The following POM121 variants were observed in gnomAD, a reference collection of about 807,000 sequenced individuals.
POM121 encodes the protein POM121 transmembrane nucleoporin, also known as nuclear envelope pore membrane protein POM 121.
Under a neutral mutation model 81.3 loss-of-function variants are expected in POM121, and 32 were observed. The observed-to-expected ratio is 0.39, with a 90% CI of 0.30 to 0.53. The LOEUF (loss-of-function observed/expected upper bound fraction) is 0.53, where lower values mean the gene tolerates loss of function less well. POM121 is among the 20% of genes least tolerant of loss of function. POM121 has a pLI of 0.66. For synonymous variants in POM121, 514 were observed against 694.2 expected, an observed-to-expected ratio of 0.74 and a Z score of 4.08; for missense variants, 1,138 against 1,614.6, an observed-to-expected ratio of 0.70 and a Z score of 5.06.
chr7:72,885,937 AC>A (rs1563130376), intron 1 of POM121, among the ~76,000 whole-genome samples: 2 of 151,946 alleles, frequency 1.3e-5, no homozygotes, highest in East Asian at 3.9e-4. Context: ...TTTAGCTATC[AC>A]ACTGTTTTGT....
chr7:72,895,239 T>A (rs1370309063), intron 3 of POM121, among the ~76,000 whole-genome samples: 1 of 152,224 alleles, frequency 6.6e-6, no homozygotes, highest in Non-Finnish European at 1.5e-5. Flanking sequence ...ATGTGAGGAC[T>A]GCATTTCATC....
chr7:72,897,887 T>C (rs1475996704), intron 3 of POM121, among the ~76,000 whole-genome samples: 1 of 152,090 alleles, frequency 6.6e-6, no homozygotes, highest in Non-Finnish European at 1.5e-5. Flanking sequence ...GGTTTGGTGG[T>C]GCGTGCCTGT....
intron 1 of POM121, among the ~76,000 whole-genome samples, chr7:72,882,944 T>A (rs1554489520): frequency 6.6e-6 from 1 of 152,214 alleles, no homozygotes; most frequent in Non-Finnish European, 1.5e-5. Flanking sequence ...TCCAAACTGA[T>A]ATTTTCTCCA....
chr7:72,900,849 T>C (rs1404211471), intron 3 of POM121, among the ~76,000 whole-genome samples: 1 of 152,046 alleles, frequency 6.6e-6, no homozygotes, highest in East Asian at 1.9e-4. Context: ...TGTTTTGTGG[T>C]TATTTTGCTC....
chr7:72,924,283 A>C (rs782812474), upstream of POM121: 6 of 152,048 alleles, frequency 3.9e-5, no homozygotes, highest in Non-Finnish European at 8.8e-5. Flanking sequence ...TTCCTAACTA[A>C]ACAGTTTCTA....
chr7:72,933,179 C>T (rs1249397943), intron 5 of POM121, among the ~76,000 whole-genome samples: 25 of 152,022 alleles, frequency 1.6e-4, no homozygotes, highest in Non-Finnish European at 2.5e-4. Context: ...TGGCAAAAAC[C>T]GGTTGCTACT....
At chr7:72,896,399 T>C (rs1225782683) in intron 3 of POM121, among the ~76,000 whole-genome samples, 118 of 148,754 alleles carry the variant, frequency 7.9e-4, no homozygotes, top group African/African-American at 2.7e-3. Context: ...GGTGGGAGGA[T>C]TGCTTGAGCC....
intron 3 of POM121, among the ~76,000 whole-genome samples, chr7:72,893,452 C>T (rs1162751386): frequency 7.9e-5 from 12 of 152,076 alleles, no homozygotes; most frequent in Admixed American, 1.3e-4. Flanking sequence ...GGCGTGGTGG[C>T]GGGCGCCTGC....
At chr7:72,899,948 G>A (rs1489069966) in intron 3 of POM121, among the ~76,000 whole-genome samples, 3 of 152,154 alleles carry the variant, frequency 2.0e-5, no homozygotes, top group African/African-American at 7.2e-5. Flanking sequence ...TCATATGAGT[G>A]AAGGTGGTAA....
intron 3 of POM121, among the ~76,000 whole-genome samples, chr7:72,911,508 G>A (rs1392358147): frequency 2.0e-5 from 3 of 152,138 alleles, no homozygotes; most frequent in Non-Finnish European, 4.4e-5. Flanking sequence ...GTCCCATCTC[G>A]CAACAGGCAG....
intron 8 of POM121, among the ~76,000 whole-genome samples, chr7:72,940,191 A>G (rs575731805): frequency 3.3e-5 from 5 of 149,810 alleles, no homozygotes; most frequent in African/African-American, 1.0e-4. Flanking sequence ...CAGCCTCCCA[A>G]GTAGCTGGGA....
In POM121 at chr7:72,946,390, T is replaced by C. The variant is rs1586197814; in HGVS notation, c.*156T>C. 7.0e-7 allele frequency: 1 copy of C among 1,433,684 alleles called. No individual in the cohort carries two copies. The highest frequency in any genetic ancestry group is 9.2e-7 in the Non-Finnish European group (1 of 1,089,826). The allele number at this position is 1,433,684 out of a possible 1,614,324, so 88.8% of individuals were successfully genotyped here. A position where few individuals can be genotyped will look rare whatever the true frequency, so the allele number is the denominator to read the frequency against. On this transcript the variant is annotated 3_prime_UTR_variant, in exon 13 of 13. Coordinates refer to ENST00000434423, the MANE Select transcript of POM121 (RefSeq NM_001387691.1). The stretch of plus-strand genomic sequence containing the variant: ...GGGGCAGTGGCAGCCCTGGGGCCCT[T>C]TCCCTTCTGGAGGAAGCACAAGCCT...
rs1554496821 is a variant in POM121 at position 72,925,163 on chromosome 7, G to A, written c.42G>A (p.Arg14=). 7.4e-6 allele frequency: 11 copies of A among 1,485,464 alleles called. No individual in the cohort carries two copies. The highest frequency in any genetic ancestry group is 2.3e-5 in the Admixed American group (1 of 43,142). 92.0% of individuals were successfully genotyped at this position (1,485,464 alleles called of 1,614,324 possible). Residue 14 remains arginine, a synonymous_variant, in exon 1 of 13, where the codon CGG becomes CGA. Transcript: ENST00000434423. ...AAAAAGAGER[R]RPIASVRDGR... is the part of the protein sequence containing the mutation. The stretch of plus-strand genomic sequence containing the variant: ...CGGCGGCTGGAGCAGGCGAGCGGCG[G>A]CGGCCCATAGCGAGTGTCAGGGACG...
chr7:72,948,700 G>T (rs565190983), downstream of POM121: 4 of 1,588,704 alleles, frequency 2.5e-6, no homozygotes, highest in Non-Finnish European at 3.5e-6. Flanking sequence ...TTACAGCAAC[G>T]AAGAAGCCAC....
At position 72,939,193 on chromosome 7, in the gene POM121, C is replaced by T. The variant is rs1273811217; in HGVS notation, c.1368-143C>T. The T allele has an allele frequency of 1.0e-5, 13 of 1,254,018 alleles. No homozygotes were observed. The East Asian group carries it at 2.8e-4, about 27-fold the overall frequency. 77.7% of individuals were successfully genotyped at this position (1,254,018 alleles called of 1,614,324 possible). A position where few individuals can be genotyped will look rare whatever the true frequency, so the allele number is the denominator to read the frequency against. Reference sequence around the variant, plus strand: ...TCATTCTGTTGGAATTTCCTGTTGACTTTTTTTATCCTGGCATACTGAGAT... The same window carrying T: ...TCATTCTGTTGGAATTTCCTGTTGATTTTTTTTATCCTGGCATACTGAGAT... On this transcript the variant is annotated intron_variant, in intron 6 of 12. Coordinates refer to ENST00000434423, the MANE Select transcript of POM121 (RefSeq NM_001387691.1).
chr7:72,890,008 G>A (rs1199078061), intron 1 of POM121, among the ~76,000 whole-genome samples: 1 of 152,126 alleles, frequency 6.6e-6, no homozygotes, highest in East Asian at 1.9e-4. Context: ...AAATCATTCT[G>A]CACCTTGTCT....
At chr7:72,949,318 C>T, downstream of POM121, 1 of 813,362 alleles carries the variant, frequency 1.2e-6, no homozygotes, top group Non-Finnish European at 2.2e-6. Context: ...CTCACCCGAG[C>T]CACTGCAGGA....
At chr7:72,893,733 G>A (rs1791549776) in intron 3 of POM121, among the ~76,000 whole-genome samples, 1 of 152,228 alleles carries the variant, frequency 6.6e-6, no homozygotes, top group African/African-American at 2.4e-5. Context: ...CGTAGTAGGT[G>A]TGGAGTGTGG....
intron 3 of POM121, among the ~76,000 whole-genome samples, chr7:72,892,753 C>G (rs775306811): frequency 2.6e-5 from 4 of 152,106 alleles, no homozygotes; most frequent in African/African-American, 9.7e-5. Flanking sequence ...GCAGCCTCCC[C>G]CTCCCAGGTT....
Sources: allele counts gnomAD v4.1 joint callset (sites outside exome capture counted in the v4.1 genomes callset), GRCh38; gene constraint gnomAD v4.1.1; transcripts MANE v1.5; gene names NCBI Gene and HGNC (gene_info 2026-07-23, HGNC 2026-07-21).